The following TMC6 variants were observed in gnomAD, a reference collection of about 807,000 sequenced individuals.
TMC6 encodes transmembrane channel-like protein 6.
In TMC6, 71 loss-of-function variants were observed where a neutral mutation model predicts 95.4. The ratio of observed to expected loss-of-function variants is 0.74; its 90% confidence interval spans 0.61 to 0.91. TMC6 has a LOEUF of 0.91. Ranked by LOEUF, TMC6 falls within the 40% of genes least tolerant of loss-of-function variation. The pLI is 0.00. For synonymous variants in TMC6, 514 were observed against 483.1 expected, an observed-to-expected ratio of 1.06 and a Z score of -0.84; for missense variants, 1,074 against 1,079.1, an observed-to-expected ratio of 1.00 and a Z score of 0.07.
chr17:78,108,788 T>A lies in TMC6; in HGVS notation c.*4360A>T, dbSNP rs970987711. ...TTCACCTGCATCTGTGGATATATATTTTTTTAAGTTTATTAAATTTTTTTT... is the reference window on the plus strand; with the variant it reads ...TTCACCTGCATCTGTGGATATATATATTTTTAAGTTTATTAAATTTTTTTT... On this transcript the variant is annotated 3_prime_UTR_variant, in exon 20 of 20. Transcript: ENST00000590602. 23 of 152,384 alleles carry A rather than the reference T, an allele frequency of 1.5e-4. No individual in the cohort carries two copies. The highest frequency in any genetic ancestry group is 3.1e-4 in the African/African-American group (13 of 41,560). 9.4% of individuals were successfully genotyped at this position (152,384 alleles called of 1,614,324 possible). A position where few individuals can be genotyped will look rare whatever the true frequency, so the allele number is the denominator to read the frequency against.
intron 13 of TMC6, 65 bp from the exon 14 acceptor site, chr17:78,119,457 C>T (rs895570161): frequency 6.5e-7 from 1 of 1,545,898 alleles, no homozygotes; most frequent in African/African-American, 1.4e-5. Context: ...GCCTGAGTCC[C>T]CACACCCAGA....
intron 12 of TMC6, 64 bp downstream of exon 12, chr17:78,120,949 C>T (rs780536424): frequency 1.2e-6 from 2 of 1,612,560 alleles, no homozygotes; most frequent in South Asian, 2.2e-5. Flanking sequence ...TTTGGATACA[C>T]CCGGAGCTAA....
At position 78,121,644 on chromosome 17, in the gene TMC6, G is replaced by A; in HGVS notation, c.1295C>T (p.Ala432Val). Residue 432 changes from alanine to valine, a missense_variant, in exon 11 of 20, where the codon GCT (alanine) becomes GTT (valine). Physicochemically the swap from Ala to Val is moderately conservative, Grantham distance 64. Coordinates refer to ENST00000590602, the MANE Select transcript of TMC6 (RefSeq NM_001127198.5). This position sits in a 1 kb window ranked among gnomAD's most constrained non-coding sequence, Gnocchi z 5.6. ...RSVCGRLRQA[A>V]VLGLVWLLCL... ...CAGCAGCCACACAAGCCCCAGCACA[G>A]CCGCCTGCCGCAGCCTCCCGCACAC... is the stretch of plus-strand genomic sequence containing the variant. 2.5e-6 allele frequency: 4 copies of A among 1,602,246 alleles called. No homozygotes were observed. The highest frequency in any genetic ancestry group is 2.5e-6 in the Non-Finnish European group (3 of 1,176,640).
At chr17:78,128,980 T>C (rs1393125110), upstream of TMC6, among the ~76,000 whole-genome samples, 1 of 152,144 alleles carries the variant, frequency 6.6e-6, no homozygotes, top group Non-Finnish European at 1.5e-5. This position sits in a 1 kb window ranked among gnomAD's most constrained non-coding sequence, Gnocchi z 4.0. Flanking sequence ...CCAATTTTTC[T>C]GACGCTCAGT....
chr17:78,126,111 C>T, intron 4 of TMC6, 166 bp downstream of exon 4: 1 of 1,147,680 alleles, frequency 8.7e-7, no homozygotes, highest in South Asian at 1.5e-5. Flanking sequence ...TGTGCTGGGC[C>T]CCCAGGCAGC....
At chr17:78,126,140 G>A (rs556056512) in intron 4 of TMC6, 137 bp downstream of exon 4, 1 of 1,310,924 alleles carries the variant, frequency 7.6e-7, no homozygotes, top group Non-Finnish European at 1.0e-6. Context: ...TGGGCTAGGA[G>A]CCCGCCCTGG....
chr17:78,119,432 T>C, intron 13 of TMC6, 40 bp from the exon 14 acceptor site: 3 of 1,608,658 alleles, frequency 1.9e-6, no homozygotes, highest in South Asian at 2.2e-5. Context: ...GGGAAAGCCA[T>C]GCCCAGGGAG....
At chr17:78,129,236 T>G (rs1169630240), upstream of TMC6, among the ~76,000 whole-genome samples, 1 of 152,028 alleles carries the variant, frequency 6.6e-6, no homozygotes, top group Non-Finnish European at 1.5e-5. This position sits in a 1 kb window ranked among gnomAD's most constrained non-coding sequence, Gnocchi z 4.3. Context: ...TAGCAAGAGT[T>G]CTGGCTCACT....
At chr17:78,119,963 T>A (rs1007547714) in intron 13 of TMC6, 12 of 361,684 alleles carry the variant, frequency 3.3e-5, no homozygotes, top group Non-Finnish European at 6.4e-5. Flanking sequence ...CTGATTTTTT[T>A]AATCTTATTT....
At chr17:78,116,318 C>A (rs188768720) in intron 18 of TMC6, among the ~76,000 whole-genome samples, 1 of 150,858 alleles carries the variant, frequency 6.6e-6, no homozygotes, top group Non-Finnish European at 1.5e-5. Context: ...TCACTGTCAC[C>A]CAGGCTGGAG....
At position 78,109,793 on chromosome 17, in the gene TMC6, ATGG is replaced by A. The variant is rs2073789060; in HGVS notation, c.*3352_*3354del. 1 of 346,456 alleles carries A rather than the reference ATGG, an allele frequency of 2.9e-6. No homozygotes were observed. The highest frequency in any genetic ancestry group is 2.1e-5 in the African/African-American group (1 of 46,594). The allele number at this position is 346,456 out of a possible 1,614,324, so 21.5% of individuals were successfully genotyped here. The stretch of plus-strand genomic sequence containing the variant: ...TAAGATAATTCACATCCGGCCAGGC[ATGG>A]TGGCTCATGCCTGTAATCCCAGCAC... On this transcript the variant is annotated 3_prime_UTR_variant, in exon 20 of 20. Transcript: ENST00000590602.
Position 78,126,558 on chromosome 17 carries a change from C to T in TMC6, c.147G>A (p.Gly49=), listed in dbSNP as rs753880319. ...QEQSQCTAQE[G]LELQQREREV... ...CCCGCTCTCTCTGCTGCAGCTCCAG[C>T]CCCTCCTGGGCCGTGCACTGGCTCT... Residue 49 remains glycine (G), a synonymous_variant, in exon 3 of 20, where the codon GGG becomes GGA. Coordinates refer to ENST00000590602, the MANE Select transcript of TMC6 (RefSeq NM_001127198.5). The T allele has an allele frequency of 6.2e-7, 1 of 1,613,660 alleles. No individual in the cohort carries two copies. The highest frequency in any genetic ancestry group is 8.5e-7 in the Non-Finnish European group (1 of 1,180,014).
chr17:78,119,994 A>G (rs1329493434), intron 13 of TMC6: 5 of 388,474 alleles, frequency 1.3e-5, no homozygotes, highest in Non-Finnish European at 2.0e-5. Flanking sequence ...TTAAATTCAT[A>G]TATTCTCGAA....
chr17:78,118,830 G>A, intron 15 of TMC6, 141 bp downstream of exon 15: 2 of 912,034 alleles, frequency 2.2e-6, no homozygotes, highest in Non-Finnish European at 3.5e-6. Context: ...CGGAGGGACA[G>A]GCCAGGGCAG....
chr17:78,126,657 G>T lies in TMC6; in HGVS notation c.57-9C>A, dbSNP rs907567386. ...AGGGGCTGGGGCCCTGGCTGCAGAG[G>T]GGGTTGGCGGGGGGGTCAGGCTCCA... is the stretch of plus-strand genomic sequence containing the variant. On this transcript the variant is annotated splice_polypyrimidine_tract_variant and intron_variant, in intron 2 of 19. Transcript: ENST00000590602. 1.2e-6 allele frequency: 2 copies of T among 1,612,870 alleles called. No homozygotes were observed. Among genetic ancestry groups the T allele is most frequent in the East Asian group, 4.5e-5 (2 of 44,890 alleles).
intron 18 of TMC6, among the ~76,000 whole-genome samples, chr17:78,115,005 C>T (rs1008052468): frequency 2.6e-5 from 4 of 152,252 alleles, no homozygotes; most frequent in Non-Finnish European, 5.9e-5. Context: ...TCTGAAATGC[C>T]ACCCAGTAGG....
At chr17:78,115,965 G>C (rs1016949604) in intron 18 of TMC6, among the ~76,000 whole-genome samples, 1 of 151,870 alleles carries the variant, frequency 6.6e-6, no homozygotes, top group Non-Finnish European at 1.5e-5. Context: ...ACTCCTGGGG[G>C]CTGCCTCTCC....
chr17:78,124,507 TC>T lies in TMC6; in HGVS notation c.891+16del. 6.2e-7 allele frequency: 1 copy of T among 1,607,130 alleles called. No individual in the cohort carries two copies. The highest frequency in any genetic ancestry group is 2.2e-5 in the East Asian group (1 of 44,844). ...AAGACAGGCACCCCCCGTCCCCCAG[TC>T]CTAGGGCTTCCTCACCGCGCCTGTG... On this transcript the variant is annotated intron_variant, in intron 8 of 19. Transcript: ENST00000590602.
rs564531007 is a variant in TMC6, at chr17:78,126,310, G to A, written c.238C>T (p.Arg80Cys). The A allele has an allele frequency of 2.0e-5, 31 of 1,568,916 alleles. No individual in the cohort carries two copies. Among genetic ancestry groups the A allele is most frequent in the East Asian group, 4.7e-5 (2 of 42,506 alleles). The change falls in exon 4 of 20, where the codon CGC becomes TGC. Residue 80 changes from arginine to cysteine, a missense_variant. By Grantham distance (180) the Arg-to-Cys change is radical (BLOSUM62 -3). Coordinates refer to ENST00000590602, the MANE Select transcript of TMC6 (RefSeq NM_001127198.5). ...PEGTQSTATLRILASMPSRTI... is the reference protein window; with the variant it reads ...PEGTQSTATLCILASMPSRTI... ...CGGCTGGGCATGCTGGCCAGGATGC[G>A]GAGTGTGGCCGTGCTCTGGGTGCCC... is the stretch of plus-strand genomic sequence containing the variant.
Sources: gnomAD v4.1 joint callset for allele counts (sites outside exome capture counted in the v4.1 genomes callset) on GRCh38, gnomAD v4.1.1 for gene constraint, Gnocchi (gnomAD v3.1) non-coding constraint, MANE v1.5 for transcripts, NCBI Gene and HGNC (gene_info 2026-07-23, HGNC 2026-07-21) for gene names.